The following DLGAP1 variants were observed in gnomAD, a reference collection of about 807,000 sequenced individuals.
DLGAP1 encodes DLG associated protein 1.
DLGAP1 carries 11 observed loss-of-function variants against 90.8 expected under a neutral mutation model. The observed-to-expected ratio is 0.12, with a 90% confidence interval of 0.08 to 0.20. The LOEUF (loss-of-function observed/expected upper bound fraction) is 0.20. Among genes scored for constraint, DLGAP1 ranks in the 10% least tolerant of loss-of-function variants. The pLI is 1.00. For synonymous variants in DLGAP1, 558 were observed against 540.7 expected (o/e 1.03, Z -0.44); for missense variants, 1,050 against 1,333.8 (o/e 0.79, Z 3.31).
At chr18:3,758,155 C>A (rs951520726) in intron 5 of DLGAP1, among the ~76,000 whole-genome samples, 1 of 150,888 alleles carries the variant, frequency 6.6e-6, no homozygotes, top group African/African-American at 2.4e-5. Flanking sequence ...GATAACTGTT[C>A]TTGTCACTTC....
At chr18:4,448,819 C>T (rs1489577749) in intron 1 of DLGAP1, among the ~76,000 whole-genome samples, 4 of 152,172 alleles carry the variant, frequency 2.6e-5, no homozygotes, top group Non-Finnish European at 4.4e-5. Flanking sequence ...TGTTAGATTC[C>T]AGTCTCCCCT....
chr18:4,229,495 C>T (rs1251443916), intron 1 of DLGAP1, among the ~76,000 whole-genome samples: 4 of 151,968 alleles, frequency 2.6e-5, no homozygotes, highest in Non-Finnish European at 5.9e-5. Flanking sequence ...ACCAATGGAA[C>T]AAAATAGAGG....
chr18:3,694,147 C>T (rs1039605252), intron 7 of DLGAP1, among the ~76,000 whole-genome samples: 4 of 146,720 alleles, frequency 2.7e-5, no homozygotes, highest in Non-Finnish European at 4.4e-5. Context: ...GTTTGGTTTT[C>T]TCTTCCTGTG....
chr18:4,280,225 A>G (rs1387347398), intron 1 of DLGAP1, among the ~76,000 whole-genome samples: 5 of 152,186 alleles, frequency 3.3e-5, no homozygotes, highest in African/African-American at 1.2e-4. Flanking sequence ...CCAATTAATC[A>G]TGATATAATT....
intron 7 of DLGAP1, chr18:3,597,235 G>T (rs543828639): frequency 1.9e-6 from 1 of 514,928 alleles, no homozygotes; most frequent in African/African-American, 1.9e-5. Flanking sequence ...ATGAAAATTA[G>T]TAGCACCTGC....
chr18:4,170,112 A>C (rs1016229121), intron 1 of DLGAP1, among the ~76,000 whole-genome samples: 2 of 152,144 alleles, frequency 1.3e-5, no homozygotes, highest in Non-Finnish European at 2.9e-5. Context: ...TCCATCATCA[A>C]GTGATGATGG....
rs931624114 is a variant in DLGAP1, at chr18:3,874,128, A to G, written c.957+4984T>C. 4 of 1,549,610 alleles carry G rather than the reference A, an allele frequency of 2.6e-6. No homozygotes were observed. The African/African-American group carries it at 5.5e-5, about 21-fold the overall frequency. On this transcript the variant is annotated intron_variant, in intron 4 of 12. Coordinates refer to ENST00000315677, the MANE Select transcript of DLGAP1 (RefSeq NM_004746.4). ...CAACACCACACTATTACCAAATACA[A>G]AGTAATAAAAGAGTTATACCCAAAC...
intron 2 of DLGAP1, among the ~76,000 whole-genome samples, chr18:4,066,129 C>T (rs1319960673): frequency 6.6e-6 from 1 of 152,048 alleles, no homozygotes; most frequent in Non-Finnish European, 1.5e-5. Context: ...TAAAACTGAA[C>T]CTCTTCCTTA....
intron 7 of DLGAP1, among the ~76,000 whole-genome samples, chr18:3,651,192 C>T (rs549130292): frequency 1.3e-5 from 2 of 152,000 alleles, no homozygotes; most frequent in East Asian, 3.9e-4. Context: ...AACCCCCTCT[C>T]TACTAAAAAT....
At chr18:3,980,258 G>A (rs957598770) in intron 3 of DLGAP1, among the ~76,000 whole-genome samples, 1 of 152,266 alleles carries the variant, frequency 6.6e-6, no homozygotes. Context: ...CAGGCATCGC[G>A]GCCTATCTGG....
In DLGAP1 at chr18:3,835,000, C is replaced by T. The variant is rs577099435; in HGVS notation, c.958-20727G>A. On this transcript the variant is annotated intron_variant, in intron 4 of 12. Coordinates refer to ENST00000315677, the MANE Select transcript of DLGAP1 (RefSeq NM_004746.4). ...TCAGAAATTAGAATCTTCAAAGAAT[C>T]GTCATTACAGATTATATTTTGCTTT... 1.1e-4 allele frequency among the ~76,000 whole-genome samples: 17 copies of T among 152,220 alleles called. No individual in the cohort carries two copies. The South Asian group carries it at 1.7e-3, about 15-fold the overall frequency.
At chr18:4,011,811 T>G (rs1428433289) in intron 2 of DLGAP1, among the ~76,000 whole-genome samples, 1 of 151,826 alleles carries the variant, frequency 6.6e-6, no homozygotes, top group African/African-American at 2.4e-5. Flanking sequence ...GTGAGTTCAG[T>G]GGTGTGAACA....
In DLGAP1 at chr18:3,660,207, CT is replaced by C. The variant is rs2059639827; in HGVS notation, c.1591+68927del. Among the ~76,000 whole-genome samples the C allele has an allele frequency of 6.6e-6, 1 of 152,158 alleles. No homozygotes were observed. The highest frequency in any genetic ancestry group is 1.5e-5 in the Non-Finnish European group (1 of 68,040). ...AAAAGGATTGGGGGTGGGGGTCTCA[CT>C]TTGTTGGCCAGCCTGGCCTTGAACT... On this transcript the variant is annotated intron_variant, in intron 7 of 12. Transcript: ENST00000315677. This position sits in a 1 kb window ranked among gnomAD's most constrained non-coding sequence, Gnocchi z 4.2.
At chr18:4,133,633 ACT>A (rs1422382223) in intron 2 of DLGAP1, among the ~76,000 whole-genome samples, 2 of 152,062 alleles carry the variant, frequency 1.3e-5, no homozygotes, top group East Asian at 3.9e-4. Flanking sequence ...AGTTATTCAG[ACT>A]CTCTAGAGAT....
chr18:3,775,908 T>C lies in DLGAP1; in HGVS notation c.1173-33396A>G, dbSNP rs1479715590. Among the ~76,000 whole-genome samples the C allele has an allele frequency of 2.0e-5, 3 of 152,122 alleles. No homozygotes were observed. The East Asian group carries it at 5.8e-4, about 29-fold the overall frequency. On this transcript the variant is annotated intron_variant, in intron 5 of 12. Transcript: ENST00000315677. The surrounding 1 kb of genome is among the most constrained non-coding windows in gnomAD (Gnocchi z 4.9). ...GATTCGTTTGGTCTGTTTTTGAACT[T>C]GAGATAAATGATGTCTAGATCTAGT...
intron 1 of DLGAP1, among the ~76,000 whole-genome samples, chr18:4,248,106 A>C (rs966887408): frequency 1.3e-5 from 2 of 152,104 alleles, no homozygotes; most frequent in African/African-American, 4.8e-5. Context: ...TTGGCACTTG[A>C]GTTCCCTGGG....
Position 4,188,279 on chromosome 18 carries a change from A to C in DLGAP1, c.-266-36992T>G, listed in dbSNP as rs540471488. On this transcript the variant is annotated intron_variant, in intron 1 of 12. Coordinates refer to ENST00000315677, the MANE Select transcript of DLGAP1 (RefSeq NM_004746.4). ...TCCACTCATTTATTCAATTTCAAAT[A>C]TTTACTGAAAATATGTTAGGCAATA... Among the ~76,000 whole-genome samples, 3 of 152,268 alleles carry C rather than the reference A, an allele frequency of 2.0e-5. No homozygotes were observed. The East Asian group carries it at 5.8e-4, about 29-fold the overall frequency.
At chr18:4,393,265 G>A (rs568628096) in intron 1 of DLGAP1, among the ~76,000 whole-genome samples, 24 of 151,420 alleles carry the variant, frequency 1.6e-4, no homozygotes, top group Non-Finnish European at 2.5e-4. Flanking sequence ...ACCAAGACCC[G>A]TATTTATTTG....
At chr18:3,966,560 G>A (rs72864932) in intron 3 of DLGAP1, among the ~76,000 whole-genome samples, 5,190 of 152,170 alleles carry the variant, frequency 0.034, 130 homozygotes, top group Non-Finnish European at 0.054. Flanking sequence ...ACTAGAAACT[G>A]TTTGGGAGCC....
Sources: gnomAD v4.1 joint callset for allele counts (sites outside exome capture counted in the v4.1 genomes callset) on GRCh38, gnomAD v4.1.1 for gene constraint, Gnocchi (gnomAD v3.1) non-coding constraint, MANE v1.5 for transcripts, NCBI Gene and HGNC (gene_info 2026-07-23, HGNC 2026-07-21) for gene names.